Variants in AIDA observed in about 807,000 individuals in gnomAD.
AIDA encodes axin interactor, dorsalization-associated protein.
AIDA carries 18 observed loss-of-function variants against 42.7 expected under a neutral mutation model. That is an observed-to-expected ratio of 0.42 (90% CI 0.29 to 0.63). The LOEUF (loss-of-function observed/expected upper bound fraction) is 0.63, where lower values mean the gene tolerates loss of function less well. AIDA is among the 20% of genes least tolerant of loss of function. The pLI is 0.19. For synonymous variants in AIDA, 104 were observed against 122.9 expected, an observed-to-expected ratio of 0.85 and a Z score of 1.02; for missense variants, 250 against 354.1, an observed-to-expected ratio of 0.71 and a Z score of 2.36.
chr1:222,710,326 A>G (rs1270043336), intron 1 of AIDA, among the ~76,000 whole-genome samples: 1 of 152,212 alleles, frequency 6.6e-6, no homozygotes, highest in African/African-American at 2.4e-5. Context: ...ATGAAGTTCA[A>G]TGGTTAGTAC....
chr1:222,690,729 TTATA>T (rs1208114542), intron 4 of AIDA, among the ~76,000 whole-genome samples: 2 of 151,454 alleles, frequency 1.3e-5, no homozygotes, highest in Non-Finnish European at 2.9e-5. Flanking sequence ...CTATACCTTC[TTATA>T]TATATAATCT....
rs539544302 is a variant in AIDA at position 222,708,838 on chromosome 1, G to A, written c.110+3370C>T. Among the ~76,000 whole-genome samples the A allele has an allele frequency of 5.1e-4, 77 of 152,148 alleles. 1 individual carries two copies. Among genetic ancestry groups the A allele is most frequent in the African/African-American group, 1.8e-3 (74 of 41,490 alleles). Reference sequence around the variant, plus strand: ...TTTTTAATTGATCATCTAATACTTCGGATGCCTATTTTAGTCTTGACAGAA... The same window carrying A: ...TTTTTAATTGATCATCTAATACTTCAGATGCCTATTTTAGTCTTGACAGAA... On this transcript the variant is annotated intron_variant, in intron 1 of 9. Coordinates refer to ENST00000340020, the MANE Select transcript of AIDA (RefSeq NM_022831.4).
chr1:222,693,732 C>T (rs955264519), intron 4 of AIDA, 57 bp downstream of exon 4: 44 of 1,367,946 alleles, frequency 3.2e-5, no homozygotes, highest in Non-Finnish European at 4.6e-5. Context: ...GCCTTAACAT[C>T]TACAATAGAT....
intron 6 of AIDA, among the ~76,000 whole-genome samples, chr1:222,683,926 T>A (rs1311683567): frequency 6.6e-6 from 1 of 152,164 alleles, no homozygotes; most frequent in African/African-American, 2.4e-5. Flanking sequence ...TACCTTTTTT[T>A]TATTTTCATG....
rs79681049 is a variant in AIDA at position 222,706,946 on chromosome 1, G to C, written c.111-3729C>G. Among the ~76,000 whole-genome samples the C allele has an allele frequency of 2.7e-3, 416 of 151,350 alleles. 2 individuals are homozygous for C. The highest frequency in any genetic ancestry group is 9.2e-3 in the African/African-American group (378 of 41,256). ...GACAGATCTATAGAGACAAAATGTA[G>C]ATCAGTGGTAGTCTGTTGCTAGAGT... is the stretch of plus-strand genomic sequence containing the variant. On this transcript the variant is annotated intron_variant, in intron 1 of 9. Transcript: ENST00000340020.
chr1:222,697,652 G>T (rs1283880780), intron 2 of AIDA, among the ~76,000 whole-genome samples: 1 of 152,006 alleles, frequency 6.6e-6, no homozygotes, highest in Admixed American at 6.6e-5. Flanking sequence ...CAAAAGATCA[G>T]TTAAAGGAAA....
intron 2 of AIDA, among the ~76,000 whole-genome samples, chr1:222,699,155 T>C (rs1371525459): frequency 6.6e-6 from 1 of 152,200 alleles, no homozygotes; most frequent in Non-Finnish European, 1.5e-5. Context: ...TTTTTAATTT[T>C]CTTTCAAAGT....
At chr1:222,687,146 T>C in intron 5 of AIDA, 110 bp from the exon 6 acceptor site, 3 of 1,505,030 alleles carry the variant, frequency 2.0e-6, no homozygotes, top group Admixed American at 2.1e-5. Flanking sequence ...AAAATGCTGA[T>C]AGGCCGGGTG....
chr1:222,673,115 A>G (rs1051367103), intron 8 of AIDA, among the ~76,000 whole-genome samples, 198 bp downstream of exon 8: 1 of 152,208 alleles, frequency 6.6e-6, no homozygotes, highest in Non-Finnish European at 1.5e-5. Context: ...TTACTATATA[A>G]CAGTGCTATT....
At chr1:222,708,182 G>A (rs555978774) in intron 1 of AIDA, among the ~76,000 whole-genome samples, 29 of 151,850 alleles carry the variant, frequency 1.9e-4, no homozygotes, top group African/African-American at 6.3e-4. Flanking sequence ...GTGGTGGCAC[G>A]CGCCTGTAGT....
At chr1:222,698,608 C>T (rs1655586607) in intron 2 of AIDA, among the ~76,000 whole-genome samples, 1 of 151,986 alleles carries the variant, frequency 6.6e-6, no homozygotes, top group Admixed American at 6.6e-5. Flanking sequence ...TGTCTGACCA[C>T]GCCCAGCTAA....
rs1220225989 is a variant in AIDA at position 222,700,530 on chromosome 1, G to A, written c.180+2618C>T. On this transcript the variant is annotated intron_variant, in intron 2 of 9. Transcript: ENST00000340020. ...CCCAGCACTCTGGGAGGCCCAGATG[G>A]GCGGATCACGAGGTCAGGAGATCGA... is the stretch of plus-strand genomic sequence containing the variant. 2.6e-5 allele frequency among the ~76,000 whole-genome samples: 4 copies of A among 152,104 alleles called. No homozygotes were observed. In the East Asian group the frequency reaches 7.8e-4, roughly 30 times the overall value.
Position 222,668,848 on chromosome 1 carries a change from T to C in AIDA, c.*1045A>G, listed in dbSNP as rs1311442758. ...GCCCCATTAAGTCAAAAGTAAATTA[T>C]AGTAAGCTAATGACCTGCATATTTT... On this transcript the variant is annotated 3_prime_UTR_variant, in exon 10 of 10. Coordinates refer to ENST00000340020, the MANE Select transcript of AIDA (RefSeq NM_022831.4). The C allele has an allele frequency of 6.7e-6, 1 of 149,372 alleles. No homozygotes were observed. Among genetic ancestry groups the C allele is most frequent in the Non-Finnish European group, 1.5e-5 (1 of 67,320 alleles). 9.3% of individuals were successfully genotyped at this position (149,372 alleles called of 1,614,324 possible).
chr1:222,707,202 G>A (rs1409111982), intron 1 of AIDA, among the ~76,000 whole-genome samples: 1 of 151,986 alleles, frequency 6.6e-6, no homozygotes, highest in Non-Finnish European at 1.5e-5. Flanking sequence ...AACTTGGGCA[G>A]GCTGGAGTGC....
At chr1:222,675,458 A>G (rs1664527420) in intron 7 of AIDA, among the ~76,000 whole-genome samples, 1 of 152,198 alleles carries the variant, frequency 6.6e-6, no homozygotes, top group Non-Finnish European at 1.5e-5. Context: ...TGGATAGGAG[A>G]AAAAAACCAA....
intron 4 of AIDA, among the ~76,000 whole-genome samples, chr1:222,690,842 C>A (rs534934631): frequency 1.3e-5 from 2 of 152,114 alleles, no homozygotes; most frequent in Admixed American, 1.3e-4. Flanking sequence ...GATTCTCATT[C>A]ATTCTCTTTC....
chr1:222,689,520 T>TATACATATACAC (rs765351898), intron 4 of AIDA, among the ~76,000 whole-genome samples: 1 of 58,102 alleles, frequency 1.7e-5, no homozygotes, highest in Non-Finnish European at 3.8e-5. Flanking sequence ...TATATATATA[T>TATACATATACAC]ACACACATAC....
rs761179734 is a variant in AIDA at position 222,703,166 on chromosome 1, T to C, written c.162A>G (p.Glu54=). The change falls in exon 2 of 10, where the codon GAA becomes GAG. Residue 54 remains glutamate (E), a synonymous_variant. Coordinates refer to ENST00000340020, the MANE Select transcript of AIDA (RefSeq NM_022831.4). ...KEAQAQHNNS[E]FTEEQKKTIG... ...ATGGTACCTTTTGTTCTTCTGTGAATTCAGAATTATTGTGTTGAGCTTGGG... is the reference window on the plus strand; with the variant it reads ...ATGGTACCTTTTGTTCTTCTGTGAACTCAGAATTATTGTGTTGAGCTTGGG... The C allele has an allele frequency of 1.9e-6, 3 of 1,607,520 alleles. No individual in the cohort carries two copies. The highest frequency in any genetic ancestry group is 1.1e-5 in the South Asian group (1 of 89,314).
chr1:222,685,445 C>A (rs1179549087), intron 6 of AIDA, among the ~76,000 whole-genome samples: 5 of 152,116 alleles, frequency 3.3e-5, no homozygotes, highest in African/African-American at 1.2e-4. Context: ...GTTCCTACTC[C>A]AAATGACTAC....
Sources: allele counts gnomAD v4.1 joint callset (sites outside exome capture counted in the v4.1 genomes callset), GRCh38; gene constraint gnomAD v4.1.1; transcripts MANE v1.5; gene names NCBI Gene and HGNC (gene_info 2026-07-23, HGNC 2026-07-21).